Variants in ITIH1 observed in about 807,000 individuals in gnomAD.
ITIH1 encodes inter-alpha-trypsin inhibitor heavy chain 1.
Under a neutral mutation model 104.6 loss-of-function variants are expected in ITIH1, and 94 were observed. That is an observed-to-expected ratio of 0.90 (90% confidence interval 0.76 to 1.07). ITIH1 has a LOEUF of 1.07. Among genes scored for constraint, ITIH1 ranks in the 50% least tolerant of loss-of-function variants. The pLI is 0.00. For missense variants in ITIH1, 1,193 were observed against 1,181.4 expected (o/e 1.01, Z -0.14); for synonymous variants, 455 against 464.4 (o/e 0.98, Z 0.26).
chr3:52,781,582 T>A (rs551027483), intron 6 of ITIH1, among the ~76,000 whole-genome samples: 8 of 152,302 alleles, frequency 5.3e-5, no homozygotes, highest in South Asian at 4.1e-4. Context: ...TTTGTCAACC[T>A]GGGCAGCTTT....
chr3:52,790,603 G>A, intron 19 of ITIH1, 146 bp from the exon 20 acceptor site: 1 of 770,324 alleles, frequency 1.3e-6, no homozygotes. Context: ...GGAGGGGCGT[G>A]GAACAGGTAA....
chr3:52,778,699 T>A (rs967742646), intron 3 of ITIH1, 193 bp downstream of exon 3: 20 of 1,432,180 alleles, frequency 1.4e-5, no homozygotes, highest in African/African-American at 7.2e-5. Flanking sequence ...GGAGGCAAAC[T>A]GGGACCCATC....
At chr3:52,784,942 C>A in intron 11 of ITIH1, 102 bp from the exon 12 acceptor site, 1 of 1,222,662 alleles carries the variant, frequency 8.2e-7, no homozygotes, top group Non-Finnish European at 1.2e-6. Flanking sequence ...CCCTCAAATT[C>A]CTTCTCTAAC....
chr3:52,790,717 G>A lies in ITIH1; in HGVS notation c.2322-32G>A, dbSNP rs373971865. 5.4e-5 allele frequency: 87 copies of A among 1,601,564 alleles called. 2 individuals carry two copies. The Admixed American group carries it at 1.4e-3, about 25-fold the overall frequency. On this transcript the variant is annotated intron_variant, in intron 19 of 21. Coordinates refer to ENST00000273283, the MANE Select transcript of ITIH1 (RefSeq NM_002215.4). The stretch of plus-strand genomic sequence containing the variant: ...GAATGGAGAGGGATGCAGTGCAGCC[G>A]CACCTGCCCTCTCGGCCACCTGGCT...
chr3:52,783,576 A>G (rs917297664), intron 10 of ITIH1, among the ~76,000 whole-genome samples: 15 of 152,190 alleles, frequency 9.9e-5, no homozygotes, highest in Non-Finnish European at 1.3e-4. Flanking sequence ...ACAGGTCTGT[A>G]TGAGTCCCTG....
At position 52,779,645 on chromosome 3, in the gene ITIH1, G is replaced by C; in HGVS notation, c.573+51G>C. On this transcript the variant is annotated intron_variant, in intron 5 of 21. Transcript: ENST00000273283. This position sits in a 1 kb window ranked among gnomAD's most constrained non-coding sequence, Gnocchi z 4.4. The stretch of plus-strand genomic sequence containing the variant: ...GTCCTGCCCCTCTCTCCGTCACCAT[G>C]GCTCCCAACACTGGTTGAGCACCCA... The C allele has an allele frequency of 6.3e-7, 1 of 1,596,638 alleles. No homozygotes were observed. Among genetic ancestry groups the C allele is most frequent in the Non-Finnish European group, 8.6e-7 (1 of 1,164,572 alleles).
intron 2 of ITIH1, 143 bp downstream of exon 2, chr3:52,778,160 C>T (rs1698949964): frequency 8.9e-7 from 1 of 1,129,578 alleles, no homozygotes; most frequent in African/African-American, 1.5e-5. Flanking sequence ...GACTTGTTCC[C>T]ATCTCACCTC....
chr3:52,791,748 GA>G (rs1559467308), intron 21 of ITIH1, 33 bp from the exon 22 acceptor site: 1 of 1,607,326 alleles, frequency 6.2e-7, no homozygotes, highest in Non-Finnish European at 8.5e-7. Flanking sequence ...CTACTGGTCC[GA>G]AGGGTGACCC....
intron 1 of ITIH1, 108 bp downstream of exon 1, chr3:52,777,840 C>T (rs1433295638): frequency 7.5e-7 from 1 of 1,338,256 alleles, no homozygotes; most frequent in Admixed American, 1.7e-5. Flanking sequence ...CCACCACCTC[C>T]ACCACTTCTG....
At chr3:52,788,548 T>C (rs1474430936) in intron 18 of ITIH1, among the ~76,000 whole-genome samples, 1 of 149,398 alleles carries the variant, frequency 6.7e-6, no homozygotes, top group Non-Finnish European at 1.5e-5. Flanking sequence ...GTGACTGGGG[T>C]AGGCACACAG....
Position 52,783,966 on chromosome 3 carries a change from C to T in ITIH1, c.1226-330C>T, listed in dbSNP as rs151244092. Among the ~76,000 whole-genome samples, 822 of 152,210 alleles carry T rather than the reference C, an allele frequency of 5.4e-3. 10 individuals are homozygous for T. The highest frequency in any genetic ancestry group is 0.018 in the African/African-American group (756 of 41,536). ...TGCACTGGCAGGGCCTGCCCGGGAA[C>T]TGTGGGCATGTGCAGAATGGGGTAA... On this transcript the variant is annotated intron_variant, in intron 10 of 21. Coordinates refer to ENST00000273283, the MANE Select transcript of ITIH1 (RefSeq NM_002215.4).
intron 12 of ITIH1, among the ~76,000 whole-genome samples, chr3:52,786,035 G>A (rs988277956): frequency 6.6e-6 from 1 of 152,152 alleles, no homozygotes; most frequent in Admixed American, 6.5e-5. Flanking sequence ...GTGCTTATTG[G>A]CCTCCCCTAG....
intron 7 of ITIH1, 25 bp downstream of exon 7, chr3:52,782,090 C>G: frequency 6.2e-7 from 1 of 1,614,138 alleles, no homozygotes; most frequent in African/African-American, 1.3e-5. Flanking sequence ...TCTGGCTCAG[C>G]ACCCAGAGGA....
chr3:52,787,546 A>G, intron 15 of ITIH1, 46 bp from the exon 16 acceptor site: 1 of 1,612,908 alleles, frequency 6.2e-7, no homozygotes, highest in South Asian at 1.1e-5. Context: ...CGTGTGGGGC[A>G]CCGTGGGTGA....
At chr3:52,784,588 C>A (rs1699151578) in intron 11 of ITIH1, 111 bp downstream of exon 11, 2 of 1,115,830 alleles carry the variant, frequency 1.8e-6, no homozygotes, top group South Asian at 1.6e-5. Flanking sequence ...GCATAGAGTT[C>A]AAATCAGCTG....
intron 3 of ITIH1, 32 bp downstream of exon 3, chr3:52,778,538 C>T (rs976287476): frequency 1.8e-5 from 29 of 1,611,598 alleles, no homozygotes; most frequent in South Asian, 2.2e-5. Flanking sequence ...ATGCCTTCTC[C>T]CAGGGGTGCC....
At chr3:52,785,574 G>A (rs911107049) in intron 12 of ITIH1, among the ~76,000 whole-genome samples, 1 of 152,240 alleles carries the variant, frequency 6.6e-6, no homozygotes, top group Non-Finnish European at 1.5e-5. Flanking sequence ...CCTACTGTGT[G>A]CCAGGCTTTG....
intron 18 of ITIH1, 151 bp downstream of exon 18, chr3:52,788,496 A>G (rs1699262856): frequency 5.0e-6 from 3 of 604,072 alleles, no homozygotes; most frequent in Non-Finnish European, 8.9e-6. Flanking sequence ...TTCCCACGCC[A>G]TCCTCCTGGC....
chr3:52,788,708 A>G (rs1348361329), intron 18 of ITIH1, among the ~76,000 whole-genome samples: 3 of 152,048 alleles, frequency 2.0e-5, no homozygotes, highest in African/African-American at 4.8e-5. Context: ...CTACAGGCGC[A>G]TGCCACCATG....
Sources: gnomAD v4.1 joint callset for allele counts (sites outside exome capture counted in the v4.1 genomes callset) on GRCh38, gnomAD v4.1.1 for gene constraint, Gnocchi (gnomAD v3.1) non-coding constraint, MANE v1.5 for transcripts, NCBI Gene and HGNC (gene_info 2026-07-23, HGNC 2026-07-21) for gene names.